The following TMEM38B variants were observed in gnomAD, a reference collection of about 807,000 sequenced individuals.
TMEM38B encodes the protein transmembrane protein 38B, also known as trimeric intracellular cation channel type B.
TMEM38B carries 24 observed loss-of-function variants against 28.7 expected under a neutral mutation model. The ratio of observed to expected loss-of-function variants is 0.84; its 90% CI spans 0.61 to 1.18. The LOEUF is 1.18. TMEM38B is among the 50% of genes most tolerant of loss of function. The pLI, the probability that TMEM38B is intolerant of heterozygous loss-of-function variation, is 0.00. For missense variants in TMEM38B, 380 were observed against 350.9 expected (o/e 1.08, Z -0.66); for synonymous variants, 131 against 127.7 (o/e 1.03, Z -0.17).
intron 1 of TMEM38B, among the ~76,000 whole-genome samples, chr9:105,697,570 C>A (rs1264481476): frequency 1.3e-5 from 2 of 151,882 alleles, no homozygotes; most frequent in African/African-American, 4.8e-5. Context: ...ATGTAAATTG[C>A]TTAATTTTTT....
intron 5 of TMEM38B, chr9:105,748,953 A>G: frequency 1.5e-6 from 1 of 666,962 alleles, no homozygotes; most frequent in Non-Finnish European, 2.2e-6. Context: ...CCTCTGTTTT[A>G]GACTAGATAT....
At chr9:105,705,519 T>G (rs968442751) in intron 1 of TMEM38B, 78 bp from the exon 2 acceptor site, 4 of 1,347,112 alleles carry the variant, frequency 3.0e-6, no homozygotes, top group Non-Finnish European at 4.0e-6. Flanking sequence ...AGTTTATTTG[T>G]TTAGTGCAAC....
At chr9:105,696,354 C>T (rs567557910) in intron 1 of TMEM38B, among the ~76,000 whole-genome samples, 2 of 152,226 alleles carry the variant, frequency 1.3e-5, no homozygotes, top group East Asian at 1.9e-4. Flanking sequence ...GGCGCGATCT[C>T]GGCTCAGTGC....
chr9:105,752,833 A>G (rs556361014), intron 5 of TMEM38B, among the ~76,000 whole-genome samples: 1 of 152,330 alleles, frequency 6.6e-6, no homozygotes, highest in East Asian at 1.9e-4. Context: ...CTGACTTGAC[A>G]AAAGTAGGCT....
At chr9:105,735,978 C>T (rs899823266) in intron 4 of TMEM38B, among the ~76,000 whole-genome samples, 1 of 152,094 alleles carries the variant, frequency 6.6e-6, no homozygotes, top group African/African-American at 2.4e-5. Flanking sequence ...GTGATCTTCC[C>T]CTCCTCAGCC....
At chr9:105,746,240 T>C (rs1276580885) in intron 4 of TMEM38B, among the ~76,000 whole-genome samples, 1 of 146,940 alleles carries the variant, frequency 6.8e-6, no homozygotes, top group African/African-American at 2.6e-5. Context: ...ATTTGTATCC[T>C]CTTTTATTTC....
rs769439573 is a variant in TMEM38B at position 105,739,305 on chromosome 9, C to CT, written c.543-8754dup. Among the ~76,000 whole-genome samples, 330 of 136,770 alleles carry CT rather than the reference C, an allele frequency of 2.4e-3. 1 individual carries two copies. The highest frequency in any genetic ancestry group is 4.2e-3 in the South Asian group (18 of 4,262). The allele number at this position is 136,770 out of a possible 152,430, so 89.7% of individuals were successfully genotyped here. On this transcript the variant is annotated intron_variant, in intron 4 of 5. Transcript: ENST00000374692. The stretch of plus-strand genomic sequence containing the variant: ...GCAGTGTGTGTCCTTTAACTTGGTT[C>CT]TTTTTTTTTTTTTTCCAAGATTGTT...
chr9:105,726,041 A>G (rs535946900), intron 4 of TMEM38B, among the ~76,000 whole-genome samples: 17 of 152,266 alleles, frequency 1.1e-4, no homozygotes, highest in Admixed American at 9.8e-4. Flanking sequence ...TATGGGGTAC[A>G]TGTGATATTT....
intron 4 of TMEM38B, among the ~76,000 whole-genome samples, chr9:105,726,654 G>A (rs1836526238): frequency 6.6e-6 from 1 of 152,026 alleles, no homozygotes; most frequent in South Asian, 2.1e-4. Flanking sequence ...AATAGAAAGA[G>A]GCCAGCTGCA....
intron 2 of TMEM38B, among the ~76,000 whole-genome samples, chr9:105,712,403 C>G (rs922947737): frequency 2.6e-5 from 4 of 152,128 alleles, no homozygotes; most frequent in Non-Finnish European, 5.9e-5. Flanking sequence ...CCCTTAATTT[C>G]TTTCTTTTCC....
intron 4 of TMEM38B, among the ~76,000 whole-genome samples, chr9:105,736,101 G>A (rs950486079): frequency 6.6e-6 from 1 of 151,220 alleles, no homozygotes; most frequent in Admixed American, 6.6e-5. Context: ...TGTTGCCCAG[G>A]CTTGTCCTGA....
intron 4 of TMEM38B, among the ~76,000 whole-genome samples, chr9:105,740,557 C>G (rs891290247): frequency 6.6e-6 from 1 of 152,144 alleles, no homozygotes; most frequent in Non-Finnish European, 1.5e-5. Context: ...TGAGCCACCA[C>G]GCCCGGCCCC....
At chr9:105,740,257 GGT>G (rs1837149711) in intron 4 of TMEM38B, among the ~76,000 whole-genome samples, 1 of 110,306 alleles carries the variant, frequency 9.1e-6, no homozygotes, top group Admixed American at 1.4e-4. Context: ...TTTATTCCTA[GGT>G]GTTTTTTTTT....
intron 5 of TMEM38B, among the ~76,000 whole-genome samples, chr9:105,767,450 A>G (rs940446825): frequency 1.3e-5 from 2 of 152,182 alleles, no homozygotes; most frequent in Admixed American, 6.5e-5. Context: ...AATAAGTTTT[A>G]TGATAAAGTT....
At chr9:105,716,589 G>A (rs1836105155) in intron 2 of TMEM38B, among the ~76,000 whole-genome samples, 1 of 152,112 alleles carries the variant, frequency 6.6e-6, no homozygotes, top group East Asian at 1.9e-4. Context: ...ACATAGTTTT[G>A]TTGTAAGTAC....
chr9:105,704,655 G>A (rs143931643), intron 1 of TMEM38B, among the ~76,000 whole-genome samples: 216 of 152,142 alleles, frequency 1.4e-3, no homozygotes, highest in African/African-American at 4.9e-3. Context: ...GCCGGGCTCG[G>A]TGGCTCACGC....
intron 4 of TMEM38B, among the ~76,000 whole-genome samples, chr9:105,730,550 G>A (rs1490820275): frequency 6.6e-6 from 1 of 152,088 alleles, no homozygotes; most frequent in Admixed American, 6.6e-5. Flanking sequence ...TTGTTGCCAG[G>A]CTTTGGTATC....
At chr9:105,725,397 G>A (rs1289610557) in intron 4 of TMEM38B, among the ~76,000 whole-genome samples, 1 of 149,956 alleles carries the variant, frequency 6.7e-6, no homozygotes, top group East Asian at 2.0e-4. Flanking sequence ...CTAGATGACT[G>A]TATGAATTAT....
At chr9:105,723,635 G>A (rs1319669837) in intron 4 of TMEM38B, among the ~76,000 whole-genome samples, 4 of 152,144 alleles carry the variant, frequency 2.6e-5, no homozygotes, top group Middle Eastern at 3.4e-3. Flanking sequence ...GGGCTCAAGC[G>A]ATCCTTGTAC....
Sources: allele counts gnomAD v4.1 joint callset (sites outside exome capture counted in the v4.1 genomes callset), GRCh38; gene constraint gnomAD v4.1.1; transcripts MANE v1.5; gene names NCBI Gene and HGNC (gene_info 2026-07-23, HGNC 2026-07-21).